XRCC6: variants seen among roughly 807,000 people sequenced by gnomAD.
XRCC6 encodes DNA repair protein Ku70.
Under a neutral mutation model 65.7 loss-of-function variants are expected in XRCC6, and 5 were observed. That is an observed-to-expected ratio of 0.08 (90% CI 0.04 to 0.16). XRCC6 has a LOEUF of 0.16. Among genes scored for constraint, XRCC6 ranks in the 10% least tolerant of loss-of-function variants. The pLI, the probability that XRCC6 is intolerant of heterozygous loss-of-function variation, is 1.00. For missense variants in XRCC6, 447 were observed against 738.1 expected, an observed-to-expected ratio of 0.61 and a Z score of 4.57; for synonymous variants, 270 against 270.6, an observed-to-expected ratio of 1.00 and a Z score of 0.02.
intron 9 of XRCC6, among the ~76,000 whole-genome samples, chr22:41,654,955 T>C (rs2068031483): frequency 1.3e-5 from 2 of 152,256 alleles, no homozygotes; most frequent in Non-Finnish European, 2.9e-5. Context: ...TGGAAAATTC[T>C]AGAAATAACT....
chr22:41,655,046 C>T (rs1183064715), intron 9 of XRCC6, among the ~76,000 whole-genome samples: 4 of 152,304 alleles, frequency 2.6e-5, no homozygotes, highest in East Asian at 3.9e-4. Context: ...ACCAGTTAGT[C>T]ACTTAGTAGC....
In XRCC6 at chr22:41,653,678, G is replaced by C. The variant is rs953734753; in HGVS notation, c.1279G>C (p.Val427Leu). 1 of 1,613,874 alleles carries C rather than the reference G, an allele frequency of 6.2e-7. No individual in the cohort carries two copies. Among genetic ancestry groups the C allele is most frequent in the Non-Finnish European group, 8.5e-7 (1 of 1,179,924 alleles). The change falls in exon 9 of 13, where the codon GTG becomes CTG. Residue 427 changes from valine to leucine, a missense_variant. Coordinates refer to ENST00000360079, the MANE Select transcript of XRCC6 (RefSeq NM_001469.5). ...AGAGTTGGATGACCAGAAAATTCAG[G>C]TGACTCCTCCAGGTATGTGGCAGAG... ...EEELDDQKIQ[V>L]TPPGFQLVFL...
chr22:41,657,844 G>C (rs571470734), intron 10 of XRCC6, among the ~76,000 whole-genome samples: 12 of 152,046 alleles, frequency 7.9e-5, no homozygotes, highest in Admixed American at 5.2e-4. Context: ...GTTGACTTGA[G>C]ACAAAGTCTT....
In XRCC6 at chr22:41,647,191, T is replaced by C. The variant is rs1359048210; in HGVS notation, c.960+109T>C. On this transcript the variant is annotated intron_variant, in intron 7 of 12. Coordinates refer to ENST00000360079, the MANE Select transcript of XRCC6 (RefSeq NM_001469.5). ...ATGACTCGCTACAGCCTTGACCTCCTGGACTCAAGCGATCCTTCTGTCTCA... is the reference window on the plus strand; with the variant it reads ...ATGACTCGCTACAGCCTTGACCTCCCGGACTCAAGCGATCCTTCTGTCTCA... 4.3e-6 allele frequency: 5 copies of C among 1,167,790 alleles called. No homozygotes were observed. In the East Asian group the frequency reaches 7.2e-5, roughly 17 times the overall value. 72.3% of individuals were successfully genotyped at this position (1,167,790 alleles called of 1,614,324 possible).
At chr22:41,640,906 G>A (rs1157334477) in intron 6 of XRCC6, among the ~76,000 whole-genome samples, 1 of 152,072 alleles carries the variant, frequency 6.6e-6, no homozygotes, top group East Asian at 1.9e-4. Context: ...CCTTTGCTAT[G>A]CGACCTGACT....
intron 7 of XRCC6, among the ~76,000 whole-genome samples, chr22:41,649,681 C>T (rs1239547052): frequency 1.3e-5 from 2 of 151,666 alleles, no homozygotes; most frequent in South Asian, 2.1e-4. Context: ...AGTGAAACCC[C>T]ATCTCTACTA....
intron 2 of XRCC6, among the ~76,000 whole-genome samples, chr22:41,624,401 T>C (rs2067645465): frequency 6.8e-6 from 1 of 146,494 alleles, no homozygotes; most frequent in Non-Finnish European, 1.5e-5. Flanking sequence ...AAAAATAAAA[T>C]AGGGGCCGGG....
At chr22:41,629,983 CTTTTTT>C (rs60191841) in intron 3 of XRCC6, among the ~76,000 whole-genome samples, 1 of 93,552 alleles carries the variant, frequency 1.1e-5, no homozygotes. Context: ...TGCATTTATG[CTTTTTT>C]TTTTTTTTTT....
At chr22:41,656,170 A>G (rs182739414) in intron 9 of XRCC6, among the ~76,000 whole-genome samples, 2 of 150,188 alleles carry the variant, frequency 1.3e-5, no homozygotes, top group Non-Finnish European at 3.0e-5. Context: ...GTAAGCTGTG[A>G]TCACACCACT....
At chr22:41,645,960 C>G (rs1439680532) in intron 6 of XRCC6, among the ~76,000 whole-genome samples, 1 of 151,734 alleles carries the variant, frequency 6.6e-6, no homozygotes, top group East Asian at 1.9e-4. Flanking sequence ...GCCACCGCAC[C>G]CGGCATGATG....
rs28384750 is a variant in XRCC6 at position 41,646,998 on chromosome 22, A to G, written c.876A>G (p.Thr292=). Reference sequence around the variant, plus strand: ...CTCCAATAAAGCTCTATCGGGAAACAAATGAACCAGTGAAAACCAAGACCC... The same window carrying G: ...CTCCAATAAAGCTCTATCGGGAAACGAATGAACCAGTGAAAACCAAGACCC... The part of the protein sequence containing the change: ...KPPPIKLYRE[T]NEPVKTKTRT... Residue 292 remains threonine (T), a synonymous_variant, in exon 7 of 13, where the codon ACA becomes ACG. Transcript: ENST00000360079. The G allele has an allele frequency of 1.2e-6, 2 of 1,614,220 alleles. No homozygotes were observed. Among genetic ancestry groups the G allele is most frequent in the African/African-American group, 2.7e-5 (2 of 75,042 alleles).
chr22:41,623,377 A>G (rs116551428), intron 2 of XRCC6, among the ~76,000 whole-genome samples: 2,828 of 151,002 alleles, frequency 0.019, 89 homozygotes, highest in African/African-American at 0.065. Context: ...CCATGCCCAG[A>G]CTGTATCTGA....
intron 2 of XRCC6, among the ~76,000 whole-genome samples, chr22:41,622,728 C>G (rs1341461385): frequency 6.6e-6 from 1 of 152,038 alleles, no homozygotes; most frequent in Non-Finnish European, 1.5e-5. Flanking sequence ...ATCACGATGT[C>G]AGGAGATCAA....
At position 41,622,043 on chromosome 22, in the gene XRCC6, T is replaced by C. The variant is rs768562473; in HGVS notation, c.39T>C (p.Asp13=). The change falls in exon 2 of 13, where the codon GAT becomes GAC. Residue 13 remains aspartate, a synonymous_variant. Coordinates refer to ENST00000360079, the MANE Select transcript of XRCC6 (RefSeq NM_001469.5). ...GWESYYKTEG[D]EEAEEEQEEN... is the part of the protein sequence containing the mutation. ...AGTCATATTACAAAACCGAGGGCGA[T>C]GAAGAAGCAGAGGAAGAACAAGAAG... 6.2e-7 allele frequency: 1 copy of C among 1,614,228 alleles called. No homozygotes were observed. Among genetic ancestry groups the C allele is most frequent in the Admixed American group, 1.7e-5 (1 of 60,026 alleles).
intron 2 of XRCC6, among the ~76,000 whole-genome samples, chr22:41,627,481 G>T (rs964151681): frequency 1.3e-5 from 2 of 151,798 alleles, no homozygotes; most frequent in Admixed American, 6.6e-5. Flanking sequence ...AGTGGTGGCG[G>T]GCGTCTATAA....
chr22:41,639,007 C>A (rs971786150), intron 6 of XRCC6, among the ~76,000 whole-genome samples: 2 of 152,086 alleles, frequency 1.3e-5, no homozygotes, highest in Non-Finnish European at 2.9e-5. Context: ...GACAAACTTA[C>A]GACAGCTATG....
chr22:41,651,926 G>A (rs2068003653), intron 8 of XRCC6, among the ~76,000 whole-genome samples: 1 of 151,974 alleles, frequency 6.6e-6, no homozygotes, highest in Non-Finnish European at 1.5e-5. Context: ...TGGGATTACA[G>A]GTGCACGCCA....
chr22:41,648,446 A>C (rs2067958163), intron 7 of XRCC6, among the ~76,000 whole-genome samples: 1 of 152,156 alleles, frequency 6.6e-6, no homozygotes, highest in South Asian at 2.1e-4. Flanking sequence ...TGAAGTGTGA[A>C]GTGAACTCAT....
Position 41,663,923 on chromosome 22 carries a change from C to T in XRCC6, c.*108C>T, listed in dbSNP as rs1455423827. The T allele has an allele frequency of 8.1e-7, 1 of 1,229,676 alleles. No individual in the cohort carries two copies. The highest frequency in any genetic ancestry group is 2.5e-5 in the East Asian group (1 of 39,438). The allele number at this position is 1,229,676 out of a possible 1,614,324, so 76.2% of individuals were successfully genotyped here. A position where few individuals can be genotyped will look rare whatever the true frequency, so the allele number is the denominator to read the frequency against. On this transcript the variant is annotated 3_prime_UTR_variant, in exon 13 of 13. Transcript: ENST00000360079. ...CCTGAGCTAGGAAGAGTCTACCCGA[C>T]ATAAGTCGAGGGACTTTATGTTTTT...
Sources: gnomAD v4.1 joint callset for allele counts (sites outside exome capture counted in the v4.1 genomes callset) on GRCh38, gnomAD v4.1.1 for gene constraint, MANE v1.5 for transcripts, NCBI Gene and HGNC (gene_info 2026-07-23, HGNC 2026-07-21) for gene names.